ZNF804A: variants seen among roughly 807,000 people sequenced by gnomAD.
ZNF804A encodes zinc finger protein 804A.
A neutral mutation model predicts 16.5 loss-of-function variants in ZNF804A; 2 were observed. That is an observed-to-expected ratio of 0.12 (90% confidence interval 0.05 to 0.38). The LOEUF is 0.38. Among genes scored for constraint, ZNF804A ranks in the 10% least tolerant of loss-of-function variants. ZNF804A has a pLI of 0.99. For missense variants in ZNF804A, 1,473 were observed against 1,390.7 expected, an observed-to-expected ratio of 1.06 and a Z score of -0.94; for synonymous variants, 534 against 489.6, an observed-to-expected ratio of 1.09 and a Z score of -1.20.
intron 1 of ZNF804A, among the ~76,000 whole-genome samples, chr2:184,694,485 A>G (rs1211617292): frequency 1.3e-5 from 2 of 152,172 alleles, no homozygotes; most frequent in Non-Finnish European, 2.9e-5. Context: ...ATAGATACAT[A>G]TTTCTTATAT....
At chr2:184,736,917 T>C (rs1275136681) in intron 1 of ZNF804A, among the ~76,000 whole-genome samples, 1 of 151,462 alleles carries the variant, frequency 6.6e-6, no homozygotes, top group Non-Finnish European at 1.5e-5. Context: ...TACTAAATAG[T>C]GGTGGTATTT....
intron 1 of ZNF804A, among the ~76,000 whole-genome samples, chr2:184,761,291 G>A (rs1156514872): frequency 6.6e-6 from 1 of 152,094 alleles, no homozygotes; most frequent in East Asian, 1.9e-4. Flanking sequence ...TTTTAAAAAT[G>A]TAGTAAGGTT....
chr2:184,641,830 T>C (rs1574143452), intron 1 of ZNF804A, among the ~76,000 whole-genome samples: 1 of 152,318 alleles, frequency 6.6e-6, no homozygotes, highest in East Asian at 1.9e-4. Flanking sequence ...ATAAGCTATT[T>C]ACAATAGGTT....
At chr2:184,927,221 A>G (rs975250036) in intron 2 of ZNF804A, among the ~76,000 whole-genome samples, 1 of 152,254 alleles carries the variant, frequency 6.6e-6, no homozygotes, top group Non-Finnish European at 1.5e-5. Context: ...CCCCAAGCCC[A>G]GTAGTTCTGT....
intron 2 of ZNF804A, among the ~76,000 whole-genome samples, chr2:184,899,026 T>C (rs185441264): frequency 2.5e-3 from 381 of 152,124 alleles, no homozygotes; most frequent in Non-Finnish European, 3.5e-3. Flanking sequence ...TGATTTTATA[T>C]TCATTAAAAT....
At chr2:184,687,584 C>T (rs1692657401) in intron 1 of ZNF804A, among the ~76,000 whole-genome samples, 1 of 152,078 alleles carries the variant, frequency 6.6e-6, no homozygotes, top group South Asian at 2.1e-4. Flanking sequence ...TTATAAAACT[C>T]AGTAGATTAG....
chr2:184,765,174 G>T (rs1361323568), intron 1 of ZNF804A, among the ~76,000 whole-genome samples: 1 of 152,096 alleles, frequency 6.6e-6, no homozygotes, highest in Middle Eastern at 3.2e-3. Context: ...TTTGTAGAGA[G>T]CCATGTAACT....
intron 1 of ZNF804A, among the ~76,000 whole-genome samples, chr2:184,804,806 G>A (rs1031940777): frequency 5.3e-5 from 8 of 152,132 alleles, no homozygotes; most frequent in South Asian, 2.1e-4. Flanking sequence ...TATCAAGTGC[G>A]TTATACAGCA....
At chr2:184,634,942 G>A (rs1691671607) in intron 1 of ZNF804A, among the ~76,000 whole-genome samples, 1 of 151,466 alleles carries the variant, frequency 6.6e-6, no homozygotes, top group Non-Finnish European at 1.5e-5. Flanking sequence ...TTGAAATTTT[G>A]CATTGCTAAT....
At chr2:184,809,305 G>C (rs999939565) in intron 1 of ZNF804A, among the ~76,000 whole-genome samples, 28 of 151,666 alleles carry the variant, frequency 1.8e-4, no homozygotes, top group African/African-American at 6.8e-4. Flanking sequence ...ATAAGTGGAA[G>C]GGACTCAAGA....
intron 1 of ZNF804A, among the ~76,000 whole-genome samples, chr2:184,841,161 C>T (rs114183808): frequency 6.6e-6 from 1 of 152,072 alleles, no homozygotes; most frequent in African/African-American, 2.4e-5. Flanking sequence ...TTTATACAAG[C>T]CCTAGAAATG....
chr2:184,658,741 A>T (rs1692121238), intron 1 of ZNF804A, among the ~76,000 whole-genome samples: 3 of 152,204 alleles, frequency 2.0e-5, no homozygotes, highest in Non-Finnish European at 4.4e-5. Flanking sequence ...TTCAAGTATC[A>T]GAACATAGGT....
rs148591986 is a variant in ZNF804A at position 184,810,185 on chromosome 2, G to C, written c.112-56184G>C. 2.5e-3 allele frequency among the ~76,000 whole-genome samples: 383 copies of C among 152,232 alleles called. 1 individual carries two copies. The highest frequency in any genetic ancestry group is 6.8e-3 in the Middle Eastern group (2 of 294). On this transcript the variant is annotated intron_variant, in intron 1 of 3. Coordinates refer to ENST00000302277, the MANE Select transcript of ZNF804A (RefSeq NM_194250.2). Reference sequence around the variant, plus strand: ...TATGACTGGCTTTTTCTGACACTAGGAGAGTTGAGGAGTTGGAACAAATAC... The same window carrying C: ...TATGACTGGCTTTTTCTGACACTAGCAGAGTTGAGGAGTTGGAACAAATAC...
chr2:184,864,599 G>A (rs747546779), intron 1 of ZNF804A, among the ~76,000 whole-genome samples: 7 of 152,082 alleles, frequency 4.6e-5, no homozygotes, highest in Non-Finnish European at 8.8e-5. Flanking sequence ...CCCAAACCAT[G>A]GTGAACTTTA....
intron 1 of ZNF804A, among the ~76,000 whole-genome samples, chr2:184,831,648 A>C (rs1395144035): frequency 6.6e-6 from 1 of 151,956 alleles, no homozygotes; most frequent in Non-Finnish European, 1.5e-5. Context: ...TTTAGATTTG[A>C]AACACACTGA....
intron 1 of ZNF804A, among the ~76,000 whole-genome samples, chr2:184,665,472 A>G (rs1019805423): frequency 3.9e-5 from 6 of 152,248 alleles, no homozygotes; most frequent in Admixed American, 2.0e-4. Context: ...TTGAGTTACC[A>G]TATTAGTTTT....
At chr2:184,836,506 C>T (rs1241688610) in intron 1 of ZNF804A, among the ~76,000 whole-genome samples, 1 of 152,018 alleles carries the variant, frequency 6.6e-6, no homozygotes, top group East Asian at 1.9e-4. Flanking sequence ...AGTAATTCTA[C>T]AGAACTTTTC....
At chr2:184,724,841 A>G (rs1228110577) in intron 1 of ZNF804A, among the ~76,000 whole-genome samples, 2 of 151,770 alleles carry the variant, frequency 1.3e-5, no homozygotes, top group Non-Finnish European at 3.0e-5. Flanking sequence ...ATAGCAAAGT[A>G]GTTTTATAAG....
At chr2:184,704,522 A>C (rs1692989516) in intron 1 of ZNF804A, among the ~76,000 whole-genome samples, 1 of 152,190 alleles carries the variant, frequency 6.6e-6, no homozygotes, top group African/African-American at 2.4e-5. Flanking sequence ...TGTGTTGAAA[A>C]GATGTTCAAA....
Sources: gnomAD v4.1 joint callset for allele counts (sites outside exome capture counted in the v4.1 genomes callset) on GRCh38, gnomAD v4.1.1 for gene constraint, MANE v1.5 for transcripts, NCBI Gene and HGNC (gene_info 2026-07-23, HGNC 2026-07-21) for gene names.